Variants in RABGAP1L observed in about 807,000 individuals in gnomAD.
RABGAP1L encodes the protein rab GTPase-activating protein 1-like.
Under a neutral mutation model 137.7 loss-of-function variants are expected in RABGAP1L, and 63 were observed. The ratio of observed to expected loss-of-function variants is 0.46; its 90% CI spans 0.37 to 0.56. The LOEUF (loss-of-function observed/expected upper bound fraction) is 0.56, where lower values mean the gene tolerates loss of function less well. Among genes scored for constraint, RABGAP1L ranks in the 20% least tolerant of loss-of-function variants. The probability of loss-of-function intolerance (pLI) is 0.00; values close to 1 mark genes in which losing one functional copy is unlikely to be tolerated. For missense variants in RABGAP1L, 1,095 were observed against 1,244.0 expected, an observed-to-expected ratio of 0.88 and a Z score of 1.80; for synonymous variants, 431 against 433.7, an observed-to-expected ratio of 0.99 and a Z score of 0.08.
intron 13 of RABGAP1L, among the ~76,000 whole-genome samples, chr1:174,470,723 C>T (rs967124928): frequency 3.3e-5 from 5 of 151,926 alleles, no homozygotes; most frequent in African/African-American, 7.2e-5. Flanking sequence ...GCCAAGATGG[C>T]GGCATTGCAC....
At chr1:174,188,807 G>A (rs1023879310) in intron 1 of RABGAP1L, among the ~76,000 whole-genome samples, 2 of 152,138 alleles carry the variant, frequency 1.3e-5, no homozygotes, top group Non-Finnish European at 2.9e-5. Context: ...TTTAGGCTTT[G>A]TTGTTCCATT....
At chr1:174,516,397 T>C (rs1294109682) in intron 13 of RABGAP1L, among the ~76,000 whole-genome samples, 1 of 152,148 alleles carries the variant, frequency 6.6e-6, no homozygotes, top group African/African-American at 2.4e-5. Flanking sequence ...TTTGAATTTT[T>C]TGTAGAGATG....
chr1:174,844,343 T>C (rs1408680163), intron 19 of RABGAP1L, among the ~76,000 whole-genome samples: 1 of 119,602 alleles, frequency 8.4e-6, no homozygotes, highest in Non-Finnish European at 1.7e-5. Flanking sequence ...TCTTCTAGGG[T>C]TTTTATGGTT....
At chr1:174,712,960 A>G (rs1680690731) in intron 17 of RABGAP1L, among the ~76,000 whole-genome samples, 1 of 152,144 alleles carries the variant, frequency 6.6e-6, no homozygotes, top group Non-Finnish European at 1.5e-5. Context: ...AGATGGGGGC[A>G]TGGCGGACCA....
At chr1:174,575,604 C>G (rs901880639) in intron 13 of RABGAP1L, among the ~76,000 whole-genome samples, 1 of 152,104 alleles carries the variant, frequency 6.6e-6, no homozygotes, top group African/African-American at 2.4e-5. Context: ...TCATTGACAA[C>G]CAAGGATAAC....
At chr1:174,635,949 A>T (rs79387712) in intron 13 of RABGAP1L, among the ~76,000 whole-genome samples, 11,894 of 152,132 alleles carry the variant, frequency 0.078, 650 homozygotes, top group East Asian at 0.32. Flanking sequence ...TTCTTTCTTG[A>T]TTTGAGACTG....
intron 15 of RABGAP1L, among the ~76,000 whole-genome samples, chr1:174,699,240 G>A (rs935428231): frequency 5.3e-5 from 8 of 152,096 alleles, no homozygotes; most frequent in African/African-American, 1.9e-4. Flanking sequence ...TGATCTGGCT[G>A]CCTTGGCCTC....
chr1:174,365,878 G>T (rs1684571901), intron 11 of RABGAP1L, among the ~76,000 whole-genome samples: 1 of 152,194 alleles, frequency 6.6e-6, no homozygotes, highest in Admixed American at 6.5e-5. Flanking sequence ...TGGTGTTCCA[G>T]GGAGTGTGGG....
intron 1 of RABGAP1L, among the ~76,000 whole-genome samples, chr1:174,165,728 G>T (rs960090199): frequency 6.6e-6 from 1 of 150,974 alleles, no homozygotes; most frequent in African/African-American, 2.4e-5. Context: ...TGAACTTCTG[G>T]ACTGAAACTG....
intron 19 of RABGAP1L, among the ~76,000 whole-genome samples, chr1:174,866,795 T>C (rs1651331622): frequency 6.6e-6 from 1 of 151,884 alleles, no homozygotes. Context: ...TGCCTGTAGT[T>C]CCAGCTACTT....
intron 13 of RABGAP1L, among the ~76,000 whole-genome samples, chr1:174,541,100 T>C (rs972940555): frequency 1.3e-5 from 2 of 152,200 alleles, no homozygotes; most frequent in Non-Finnish European, 2.9e-5. Context: ...TTGTCTGTTA[T>C]TGATGTAGAG....
At chr1:174,988,175 G>A (rs946176327) in intron 24 of RABGAP1L, among the ~76,000 whole-genome samples, 1 of 152,178 alleles carries the variant, frequency 6.6e-6, no homozygotes, top group African/African-American at 2.4e-5. Flanking sequence ...CATGTGCTTT[G>A]TTGCAAGGGT....
At chr1:174,170,700 T>C (rs1327082270) in intron 1 of RABGAP1L, among the ~76,000 whole-genome samples, 2 of 149,374 alleles carry the variant, frequency 1.3e-5, no homozygotes, top group East Asian at 3.9e-4. Context: ...AAAAATCACG[T>C]AGCTTGTGAG....
chr1:174,160,370 A>G (rs953968306), intron 1 of RABGAP1L, among the ~76,000 whole-genome samples: 4 of 152,194 alleles, frequency 2.6e-5, no homozygotes, highest in African/African-American at 9.7e-5. Flanking sequence ...CCAACGGTAC[A>G]GGGCTGGGCA....
chr1:174,742,703 A>G (rs1392740679), intron 17 of RABGAP1L, among the ~76,000 whole-genome samples: 2 of 152,198 alleles, frequency 1.3e-5, no homozygotes, highest in African/African-American at 4.8e-5. Context: ...GCAGCCTGGG[A>G]TGGTTGACTG....
At chr1:174,252,885 T>C (rs1040228592) in intron 7 of RABGAP1L, among the ~76,000 whole-genome samples, 3 of 152,202 alleles carry the variant, frequency 2.0e-5, no homozygotes, top group African/African-American at 7.2e-5. Context: ...ACTTTTAACT[T>C]TTCAATCACT....
intron 12 of RABGAP1L, among the ~76,000 whole-genome samples, chr1:174,385,149 T>A (rs539010487): frequency 6.6e-6 from 1 of 152,318 alleles, no homozygotes; most frequent in African/African-American, 2.4e-5. Flanking sequence ...TTGTAAATAA[T>A]CCAGGGGAGA....
At chr1:174,782,939 G>T (rs1468231306) in intron 18 of RABGAP1L, among the ~76,000 whole-genome samples, 1 of 152,186 alleles carries the variant, frequency 6.6e-6, no homozygotes. Flanking sequence ...GCATTCCGGA[G>T]CTGGGATCGG....
intron 11 of RABGAP1L, among the ~76,000 whole-genome samples, chr1:174,314,664 T>C (rs1679200401): frequency 6.6e-6 from 1 of 152,128 alleles, no homozygotes; most frequent in South Asian, 2.1e-4. Context: ...TTGTACTGCT[T>C]TTGCTGGGTT....
Sources: gnomAD v4.1 joint callset for allele counts (sites outside exome capture counted in the v4.1 genomes callset) on GRCh38, gnomAD v4.1.1 for gene constraint, MANE v1.5 for transcripts, NCBI Gene and HGNC (gene_info 2026-07-23, HGNC 2026-07-21) for gene names.